Variants in PTPDC1 observed in about 807,000 individuals in gnomAD.
The protein encoded by PTPDC1 is protein tyrosine phosphatase domain containing 1, also known as protein tyrosine phosphatase domain-containing protein 1.
Under a neutral mutation model 75.3 loss-of-function variants are expected in PTPDC1, and 53 were observed. The observed-to-expected ratio is 0.70, with a 90% CI of 0.56 to 0.88. The LOEUF (loss-of-function observed/expected upper bound fraction) is 0.88. Among genes scored for constraint, PTPDC1 ranks in the 40% least tolerant of loss-of-function variants. The probability of loss-of-function intolerance (pLI) is 0.00; values close to 1 mark genes in which losing one functional copy is unlikely to be tolerated. For missense variants in PTPDC1, 925 were observed against 998.6 expected (o/e 0.93, Z 0.99); for synonymous variants, 349 against 366.2 (o/e 0.95, Z 0.54).
chr9:94,087,108 A>G (rs1182894926), intron 2 of PTPDC1, among the ~76,000 whole-genome samples: 1 of 152,208 alleles, frequency 6.6e-6, no homozygotes, highest in Non-Finnish European at 1.5e-5. Flanking sequence ...GTCACTACCC[A>G]TTGAGTAACA....
chr9:94,095,058 G>C (rs1385363959), intron 4 of PTPDC1, among the ~76,000 whole-genome samples: 2 of 152,256 alleles, frequency 1.3e-5, no homozygotes, highest in African/African-American at 2.4e-5. Context: ...CACGCTGGGA[G>C]CTGTAGACCG....
chr9:94,108,562 G>A lies in PTPDC1; in HGVS notation c.*618G>A, dbSNP rs938434600. ...CAGAGAGATTTAGTTTTACTTTAAT[G>A]GAGTGACTGTGAAGTGGTTGGGATT... is the stretch of plus-strand genomic sequence containing the variant. On this transcript the variant is annotated 3_prime_UTR_variant, in exon 9 of 9. Transcript: ENST00000620992. The A allele has an allele frequency of 5.9e-5, 9 of 152,368 alleles. No individual in the cohort carries two copies. Among genetic ancestry groups the A allele is most frequent in the Non-Finnish European group, 1.3e-4 (9 of 68,042 alleles). The allele number at this position is 152,368 out of a possible 1,614,324, so 9.4% of individuals were successfully genotyped here.
intron 1 of PTPDC1, among the ~76,000 whole-genome samples, chr9:94,055,524 A>G (rs189746517): frequency 6.6e-6 from 1 of 152,212 alleles, no homozygotes; most frequent in Non-Finnish European, 1.5e-5. Flanking sequence ...CTAAAAAGAA[A>G]CAAGCTATTA....
intron 1 of PTPDC1, among the ~76,000 whole-genome samples, chr9:94,041,825 C>G (rs1316886428): frequency 6.6e-6 from 1 of 152,136 alleles, no homozygotes; most frequent in Non-Finnish European, 1.5e-5. Context: ...CCAAGGATCC[C>G]TGGTTCCTTT....
intron 1 of PTPDC1, among the ~76,000 whole-genome samples, chr9:94,033,810 A>T (rs1482608020): frequency 1.3e-5 from 2 of 152,244 alleles, no homozygotes; most frequent in African/African-American, 4.8e-5. Flanking sequence ...ACATAAAAAA[A>T]TTCATAAAAA....
At chr9:94,053,828 T>C (rs1035342097) in intron 1 of PTPDC1, among the ~76,000 whole-genome samples, 2 of 152,214 alleles carry the variant, frequency 1.3e-5, no homozygotes, top group African/African-American at 4.8e-5. Flanking sequence ...TAGTGCTATT[T>C]CTTGTGTTTG....
intron 4 of PTPDC1, among the ~76,000 whole-genome samples, chr9:94,094,042 G>T (rs1431114418): frequency 6.6e-6 from 1 of 152,140 alleles, no homozygotes; most frequent in East Asian, 1.9e-4. Context: ...TCCTCCCGTA[G>T]CTCAGAGTAA....
At chr9:94,057,508 CT>C (rs1477358898) in intron 1 of PTPDC1, among the ~76,000 whole-genome samples, 1 of 152,140 alleles carries the variant, frequency 6.6e-6, no homozygotes, top group African/African-American at 2.4e-5. Flanking sequence ...ATTGCGGATA[CT>C]GGTTTGCAAA....
chr9:94,049,626 T>C (rs1057079327), intron 1 of PTPDC1, among the ~76,000 whole-genome samples: 2 of 152,224 alleles, frequency 1.3e-5, no homozygotes, highest in Non-Finnish European at 2.9e-5. Context: ...ACCCGACCTT[T>C]CTCTCTGGCT....
exon 1 of PTPDC1, chr9:94,030,843 C>G (rs1431747475): frequency 6.6e-6 from 1 of 152,298 alleles, no homozygotes; most frequent in East Asian, 1.9e-4. Context: ...AGCAGGGGCG[C>G]CCCGCCACGG....
At chr9:94,094,084 C>G (rs1469398321) in intron 4 of PTPDC1, among the ~76,000 whole-genome samples, 4 of 152,254 alleles carry the variant, frequency 2.6e-5, no homozygotes, top group Non-Finnish European at 5.9e-5. Context: ...CTCAGCTTGT[C>G]AAAGTCATTC....
intron 4 of PTPDC1, 26 bp downstream of exon 4, chr9:94,088,289 T>C: frequency 1.2e-6 from 2 of 1,610,350 alleles, no homozygotes; most frequent in Non-Finnish European, 1.7e-6. Context: ...CCTCCTCTCA[T>C]GAATTATCAA....
Position 94,093,261 on chromosome 9 carries a change from C to T in PTPDC1, c.617-2056C>T, listed in dbSNP as rs879740312. 6.7e-4 allele frequency among the ~76,000 whole-genome samples: 101 copies of T among 149,898 alleles called. 1 individual carries two copies. Among genetic ancestry groups the T allele is most frequent in the Non-Finnish European group, 1.1e-3 (74 of 67,356 alleles). On this transcript the variant is annotated intron_variant, in intron 4 of 8. Transcript: ENST00000620992. ...CCATGTTTAGTGCTTCCTTCAGGAG[C>T]TCTTTTAGGGCAGGCCTGGTGGTGA...
chr9:94,066,559 C>CT (rs141215401), intron 2 of PTPDC1, among the ~76,000 whole-genome samples: 3 of 151,430 alleles, frequency 2.0e-5, no homozygotes, highest in Non-Finnish European at 4.4e-5. Flanking sequence ...AAAAAATTTA[C>CT]TTTTTTTTTA....
At chr9:94,066,029 C>T (rs1826292707) in intron 2 of PTPDC1, among the ~76,000 whole-genome samples, 1 of 152,164 alleles carries the variant, frequency 6.6e-6, no homozygotes, top group Admixed American at 6.6e-5. Flanking sequence ...AATGGCAATT[C>T]TGTTGGCTTT....
At chr9:94,036,894 G>A (rs754518489) in intron 1 of PTPDC1, among the ~76,000 whole-genome samples, 9 of 152,122 alleles carry the variant, frequency 5.9e-5, no homozygotes, top group Admixed American at 2.0e-4. Flanking sequence ...TGTTTTATCC[G>A]GTAATTTGTA....
intron 6 of PTPDC1, chr9:94,100,475 A>G (rs1025454843): frequency 6.6e-6 from 1 of 152,246 alleles, no homozygotes; most frequent in Non-Finnish European, 1.5e-5. Flanking sequence ...ATAAGATAAT[A>G]AAGAGAAGCC....
chr9:94,103,651 A>G (rs1827920172), intron 7 of PTPDC1, among the ~76,000 whole-genome samples: 1 of 152,210 alleles, frequency 6.6e-6, no homozygotes, highest in Admixed American at 6.5e-5. Context: ...GTCCCTGTAC[A>G]TTACATCTTG....
At chr9:94,091,818 T>G (rs926348707) in intron 4 of PTPDC1, among the ~76,000 whole-genome samples, 9 of 152,220 alleles carry the variant, frequency 5.9e-5, no homozygotes, top group African/African-American at 1.7e-4. Flanking sequence ...TTGGGAGAGT[T>G]TATGTGCAGA....
Sources: allele counts gnomAD v4.1 joint callset (sites outside exome capture counted in the v4.1 genomes callset), GRCh38; gene constraint gnomAD v4.1.1; transcripts MANE v1.5; gene names NCBI Gene and HGNC (gene_info 2026-07-23, HGNC 2026-07-21).